Variants in VXN observed in about 807,000 individuals in gnomAD.
VXN encodes vexin, also known as uncharacterized protein C8orf46.
Under a neutral mutation model 23.1 loss-of-function variants are expected in VXN, and 7 were observed. The observed-to-expected ratio is 0.30, with a 90% CI of 0.17 to 0.57. The LOEUF (loss-of-function observed/expected upper bound fraction) is 0.57. Among genes scored for constraint, VXN ranks in the 20% least tolerant of loss-of-function variants. The probability of loss-of-function intolerance (pLI) is 0.91; values close to 1 mark genes in which losing one functional copy is unlikely to be tolerated. For missense variants in VXN, 238 were observed against 272.6 expected, an observed-to-expected ratio of 0.87 and a Z score of 0.89; for synonymous variants, 120 against 105.8, an observed-to-expected ratio of 1.13 and a Z score of -0.83.
At chr8:66,513,667 T>G in intron 5 of VXN, 30 bp downstream of exon 5, 1 of 1,581,650 alleles carries the variant, frequency 6.3e-7, no homozygotes, top group Non-Finnish European at 8.7e-7. Flanking sequence ...CCCCACTGCC[T>G]GTGGCCTCCC....
At chr8:66,502,851 CT>C (rs11303110) in intron 2 of VXN, among the ~76,000 whole-genome samples, 30,169 of 145,724 alleles carry the variant, frequency 0.21, 3,357 homozygotes, top group African/African-American at 0.3. Context: ...GTTCTTCTTC[CT>C]TTTTTTTTTT....
At chr8:66,502,701 C>T (rs545624942) in intron 2 of VXN, among the ~76,000 whole-genome samples, 1 of 152,190 alleles carries the variant, frequency 6.6e-6, no homozygotes, top group South Asian at 2.1e-4. Context: ...GAGCCAAGAT[C>T]ATGCCACACT....
chr8:66,504,807 T>G lies in VXN; in HGVS notation c.127-568T>G, dbSNP rs540563596. ...CTGCACTGGGAAGTGGGGACGCGGGTAGGAGAGCACCCCGTGCCCCCTGCT... is the reference window on the plus strand; with the variant it reads ...CTGCACTGGGAAGTGGGGACGCGGGGAGGAGAGCACCCCGTGCCCCCTGCT... On this transcript the variant is annotated intron_variant, in intron 2 of 5. Transcript: ENST00000305454. Among the ~76,000 whole-genome samples, 6 of 152,248 alleles carry G rather than the reference T, an allele frequency of 3.9e-5. No homozygotes were observed. The East Asian group carries it at 9.7e-4, about 25-fold the overall frequency.
chr8:66,501,905 GTGAT>G (rs775402984), intron 2 of VXN, among the ~76,000 whole-genome samples: 12 of 152,100 alleles, frequency 7.9e-5, no homozygotes, highest in African/African-American at 2.2e-4. Context: ...AAAAGCAATT[GTGAT>G]TGATTATCTT....
chr8:66,513,689 C>T lies in VXN; in HGVS notation c.440+52C>T, dbSNP rs563995739. 2.7e-6 allele frequency: 4 copies of T among 1,487,632 alleles called. 1 individual carries two copies. The South Asian group carries it at 4.6e-5, about 17-fold the overall frequency. 92.2% of individuals were successfully genotyped at this position (1,487,632 alleles called of 1,614,324 possible). On this transcript the variant is annotated intron_variant, in intron 5 of 5. Coordinates refer to ENST00000305454, the MANE Select transcript of VXN (RefSeq NM_152765.4). ...GCCTGTGGCCTCCCACTGTCCTGAT[C>T]CTTCCTTCCCCAGAAGAGCACCAGG...
chr8:66,496,746 C>T lies in VXN; in HGVS notation c.126+254C>T, dbSNP rs539107795. On this transcript the variant is annotated intron_variant, in intron 2 of 5. Transcript: ENST00000305454. ...CACAGAGAGTAAGACTTGTTTTATG[C>T]ACACTTTTTTTTTCTTGTTTAAACA... Among the ~76,000 whole-genome samples the T allele has an allele frequency of 1.1e-4, 17 of 152,308 alleles. No homozygotes were observed. In the East Asian group the frequency reaches 3.1e-3, roughly 28 times the overall value.
chr8:66,506,090 T>C (rs556493874), intron 3 of VXN, among the ~76,000 whole-genome samples: 1 of 152,318 alleles, frequency 6.6e-6, no homozygotes, highest in South Asian at 2.1e-4. Context: ...GGCTGTTATC[T>C]GCTGTCTTCC....
chr8:66,493,813 G>C, intron 1 of VXN, 95 bp downstream of exon 1: 1 of 949,828 alleles, frequency 1.1e-6, no homozygotes, highest in Non-Finnish European at 1.7e-6. Flanking sequence ...TTTATCCTCA[G>C]GTCTCTGGGG....
intron 5 of VXN, 133 bp downstream of exon 5, chr8:66,513,770 T>C (rs1807853510): frequency 1.4e-5 from 9 of 635,744 alleles, no homozygotes; most frequent in Non-Finnish European, 2.2e-5. Context: ...AGCTGCAAAT[T>C]ATCTTTTAAT....
chr8:66,505,354 C>T, intron 2 of VXN, 21 bp from the exon 3 acceptor site: 2 of 1,570,854 alleles, frequency 1.3e-6, no homozygotes, highest in Non-Finnish European at 1.7e-6. Context: ...GTGGGCTAAC[C>T]GCGTTTCCCC....
chr8:66,506,232 A>AGAGTGTGTGT (rs1554570603), intron 3 of VXN, among the ~76,000 whole-genome samples: 1 of 140,340 alleles, frequency 7.1e-6, no homozygotes, highest in Admixed American at 7.1e-5. Context: ...AGAGAGAGAC[A>AGAGTGTGTGT]GTGTGTGTGT....
rs554885860 is a variant in VXN at position 66,495,295 on chromosome 8, T to C, written c.71-1142T>C. Among the ~76,000 whole-genome samples, 439 of 152,368 alleles carry C rather than the reference T, an allele frequency of 2.9e-3. 5 individuals carry two copies. The highest frequency in any genetic ancestry group is 0.01 in the African/African-American group (431 of 41,588). On this transcript the variant is annotated intron_variant, in intron 1 of 5. Transcript: ENST00000305454. ...CATGTGTTTATTTTCTATCATTTAC[T>C]TCCATTTACAAAATTTTTAAAGGAA...
chr8:66,505,103 G>A, intron 2 of VXN: 1 of 566,352 alleles, frequency 1.8e-6, no homozygotes, highest in South Asian at 1.8e-5. Flanking sequence ...ACCCTGTGAA[G>A]GGCCTGCTGT....
chr8:66,501,671 C>T (rs1054425172), intron 2 of VXN, among the ~76,000 whole-genome samples: 1 of 152,112 alleles, frequency 6.6e-6, no homozygotes, highest in Non-Finnish European at 1.5e-5. Context: ...TTCTAATTTC[C>T]CCTAACAGTT....
chr8:66,505,292 C>T, intron 2 of VXN, 83 bp from the exon 3 acceptor site: 1 of 1,522,232 alleles, frequency 6.6e-7, no homozygotes, highest in Non-Finnish European at 8.9e-7. Flanking sequence ...CGAGCTCCAT[C>T]TGCAAAGCTC....
chr8:66,513,588 T>C lies in VXN; in HGVS notation c.391T>C (p.Leu131=), dbSNP rs372617435. Residue 131 remains leucine (L), a synonymous_variant, in exon 5 of 6, where the codon TTG becomes CTG. Transcript: ENST00000305454. ...ISVKTSASAS[L]EATAMGTEKG... is the part of the protein sequence containing the mutation. ...AGTGAAAACTTCAGCCTCTGCCTCATTGGAGGCGACAGCCATGGGCACAGA... is the reference window on the plus strand; with the variant it reads ...AGTGAAAACTTCAGCCTCTGCCTCACTGGAGGCGACAGCCATGGGCACAGA... 5.0e-6 allele frequency: 8 copies of C among 1,614,018 alleles called. No homozygotes were observed. The highest frequency in any genetic ancestry group is 1.3e-5 in the African/African-American group (1 of 74,938).
chr8:66,506,046 A>G (rs1807752751), intron 3 of VXN, among the ~76,000 whole-genome samples: 1 of 152,058 alleles, frequency 6.6e-6, no homozygotes, highest in East Asian at 1.9e-4. Flanking sequence ...GGCCTCCCAA[A>G]GTGCTGGGAT....
Position 66,505,651 on chromosome 8 carries a change from C to A in VXN, c.280+123C>A, listed in dbSNP as rs1229575530. ...TGCGGCCTCAGTCGCGCCAGGTGAC[C>A]AAGCACCTGTGCTTTCCCAAGTAAA... On this transcript the variant is annotated intron_variant, in intron 3 of 5. Coordinates refer to ENST00000305454, the MANE Select transcript of VXN (RefSeq NM_152765.4). 9.2e-6 allele frequency: 11 copies of A among 1,200,466 alleles called. No individual in the cohort carries two copies. The East Asian group carries it at 3.0e-4, about 32-fold the overall frequency. The allele number at this position is 1,200,466 out of a possible 1,614,324, so 74.4% of individuals were successfully genotyped here. A position where few individuals can be genotyped will look rare whatever the true frequency, so the allele number is the denominator to read the frequency against.
Position 66,498,874 on chromosome 8 carries a change from T to A in VXN, c.126+2382T>A, listed in dbSNP as rs551950041. On this transcript the variant is annotated intron_variant, in intron 2 of 5. Coordinates refer to ENST00000305454, the MANE Select transcript of VXN (RefSeq NM_152765.4). ...AAACCATAGATGAAAGGGACTACTGTATACTATCAGCAAATCCTGAGAAGC... is the reference window on the plus strand; with the variant it reads ...AAACCATAGATGAAAGGGACTACTGAATACTATCAGCAAATCCTGAGAAGC... The A allele has an allele frequency of 3.8e-4, 171 of 454,524 alleles. 3 individuals are homozygous for A. Among genetic ancestry groups the A allele is most frequent in the South Asian group, 2.5e-3 (160 of 64,222 alleles). 28.2% of individuals were successfully genotyped at this position (454,524 alleles called of 1,614,324 possible).
Sources: gnomAD v4.1 joint callset for allele counts (sites outside exome capture counted in the v4.1 genomes callset) on GRCh38, gnomAD v4.1.1 for gene constraint, MANE v1.5 for transcripts, NCBI Gene and HGNC (gene_info 2026-07-23, HGNC 2026-07-21) for gene names.